EFCAB6: variants seen among roughly 807,000 people sequenced by gnomAD.
EFCAB6 encodes the protein EF-hand calcium binding domain 6, also known as EF-hand calcium-binding domain-containing protein 6.
EFCAB6 carries 156 observed loss-of-function variants against 169.8 expected under a neutral mutation model. The observed-to-expected ratio is 0.92, with a 90% CI of 0.81 to 1.05. The LOEUF is 1.05. Ranked by LOEUF, EFCAB6 falls within the 50% of genes least tolerant of loss-of-function variation. The pLI, the probability that EFCAB6 is intolerant of heterozygous loss-of-function variation, is 0.00. For missense variants in EFCAB6, 1,800 were observed against 1,829.1 expected (o/e 0.98, Z 0.29); for synonymous variants, 698 against 676.4 (o/e 1.03, Z -0.50).
At chr22:43,652,324 A>G (rs1339160141) in intron 17 of EFCAB6, among the ~76,000 whole-genome samples, 1 of 152,214 alleles carries the variant, frequency 6.6e-6, no homozygotes, top group Non-Finnish European at 1.5e-5. Flanking sequence ...GCCTGCCACC[A>G]TCTACATAAG....
chr22:43,708,089 T>TAAAAAA (rs137824), intron 10 of EFCAB6, among the ~76,000 whole-genome samples: 6 of 115,518 alleles, frequency 5.2e-5, no homozygotes, highest in Admixed American at 8.4e-5. Context: ...TAAAGAAAAC[T>TAAAAAA]AAAAAAAAAA....
chr22:43,563,574 A>ACAAAAC (rs1569163753), intron 26 of EFCAB6, among the ~76,000 whole-genome samples: 1 of 152,208 alleles, frequency 6.6e-6, no homozygotes, highest in Non-Finnish European at 1.5e-5. Context: ...CAAAACAAAA[A>ACAAAAC]CAAAACCAAA....
At chr22:43,784,677 A>ATGTG (rs2062009980) in intron 2 of EFCAB6, among the ~76,000 whole-genome samples, 1 of 30,680 alleles carries the variant, frequency 3.3e-5, no homozygotes, top group Non-Finnish European at 6.9e-5. Flanking sequence ...ATACATATAT[A>ATGTG]CACACACACA....
chr22:43,782,354 T>C (rs1243268790), intron 2 of EFCAB6, 29 bp from the exon 3 acceptor site: 1 of 1,603,032 alleles, frequency 6.2e-7, no homozygotes, highest in Non-Finnish European at 8.5e-7. Flanking sequence ...CAGATTACGT[T>C]ACCTTAAAGA....
chr22:43,625,290 T>C (rs2054422224), intron 20 of EFCAB6, among the ~76,000 whole-genome samples: 1 of 152,042 alleles, frequency 6.6e-6, no homozygotes, highest in African/African-American at 2.4e-5. Flanking sequence ...GGACCGTGAG[T>C]GCCTCAAGGA....
At chr22:43,602,130 C>T (rs866114843) in intron 22 of EFCAB6, among the ~76,000 whole-genome samples, 1 of 152,238 alleles carries the variant, frequency 6.6e-6, no homozygotes, top group African/African-American at 2.4e-5. Flanking sequence ...GGAGCCGTCC[C>T]GGGCAGTCCT....
chr22:43,689,349 G>GCGCACACACACACACACA (rs1556091576), intron 10 of EFCAB6, among the ~76,000 whole-genome samples: 1 of 146,962 alleles, frequency 6.8e-6, no homozygotes, highest in South Asian at 2.2e-4. Flanking sequence ...GAGAGCACGT[G>GCGCACACACACACACACA]CACACACACA....
chr22:43,564,037 T>C (rs981385707), intron 26 of EFCAB6, among the ~76,000 whole-genome samples: 1 of 152,186 alleles, frequency 6.6e-6, no homozygotes, highest in Non-Finnish European at 1.5e-5. Context: ...ACTTCACCTC[T>C]CTGGGCTTCC....
chr22:43,626,628 T>C lies in EFCAB6; in HGVS notation c.2284A>G (p.Asn762Asp). The change falls in exon 20 of 32, where the codon AAC (asparagine) becomes GAC (aspartate). Residue 762 changes from asparagine (N) to aspartate (D), a missense_variant. Physicochemically the swap from Asn to Asp is conservative, Grantham distance 23. Transcript: ENST00000262726. The stretch of plus-strand genomic sequence containing the variant: ...AGCAGTCTGTGAAGGTCATGCATGT[T>C]GATTATGCCATCCCTGTCAGCATCT... ...KTDADRDGII[N>D]MHDLHRLLLH... The C allele has an allele frequency of 1.9e-6, 3 of 1,614,198 alleles. No homozygotes were observed. Among genetic ancestry groups the C allele is most frequent in the Non-Finnish European group, 2.5e-6 (3 of 1,180,038 alleles).
rs1365514241 is a variant in EFCAB6, at chr22:43,748,677, T to C, written c.507+7089A>G. On this transcript the variant is annotated intron_variant, in intron 6 of 31. Coordinates refer to ENST00000262726, the MANE Select transcript of EFCAB6 (RefSeq NM_022785.4). ...GTTCAAGGCACTGAAGTTACCACAG[T>C]GGACAGGACAGAAAAGGTGCCTGCT... Among the ~76,000 whole-genome samples the C allele has an allele frequency of 1.3e-5, 2 of 152,170 alleles. 1 individual carries two copies. The highest frequency in any genetic ancestry group is 4.8e-5 in the African/African-American group (2 of 41,448).
chr22:43,564,377 G>A (rs546388338), intron 26 of EFCAB6, among the ~76,000 whole-genome samples: 45 of 152,124 alleles, frequency 3.0e-4, no homozygotes, highest in African/African-American at 1.1e-3. Context: ...CAACCTGGGA[G>A]GTGGAGGTTG....
At chr22:43,600,732 G>A (rs536906092) in intron 22 of EFCAB6, among the ~76,000 whole-genome samples, 2 of 152,004 alleles carry the variant, frequency 1.3e-5, no homozygotes, top group African/African-American at 2.4e-5. Flanking sequence ...GGTGCGAGCT[G>A]GGCTCACTAC....
intron 2 of EFCAB6, among the ~76,000 whole-genome samples, chr22:43,787,457 A>G (rs1289119840): frequency 6.6e-6 from 1 of 152,138 alleles, no homozygotes. Context: ...TTATATCTCT[A>G]TATACCTACA....
intron 6 of EFCAB6, among the ~76,000 whole-genome samples, chr22:43,746,404 G>A (rs2060565229): frequency 6.6e-6 from 1 of 152,180 alleles, no homozygotes; most frequent in South Asian, 2.1e-4. Context: ...CAAAACTCTG[G>A]TTCGGGGTCT....
intron 28 of EFCAB6, 72 bp downstream of exon 28, chr22:43,540,055 A>G: frequency 6.4e-7 from 1 of 1,562,466 alleles, no homozygotes; most frequent in South Asian, 1.2e-5. Context: ...TAGGGCCCCC[A>G]AAGTCCCCCC....
intron 26 of EFCAB6, among the ~76,000 whole-genome samples, chr22:43,561,938 G>A (rs1304212469): frequency 6.6e-6 from 1 of 152,222 alleles, no homozygotes; most frequent in African/African-American, 2.4e-5. Context: ...AGGAAGAGCA[G>A]GGCTGCAGGA....
intron 9 of EFCAB6, among the ~76,000 whole-genome samples, chr22:43,715,952 G>T (rs1407733322): frequency 1.3e-5 from 2 of 152,012 alleles, no homozygotes; most frequent in Admixed American, 1.3e-4. Flanking sequence ...TGAATGTTGG[G>T]AATTATTCAT....
intron 17 of EFCAB6, among the ~76,000 whole-genome samples, chr22:43,665,206 A>G (rs2057191135): frequency 6.6e-6 from 1 of 152,180 alleles, no homozygotes; most frequent in Admixed American, 6.5e-5. Context: ...TGAGACTGAC[A>G]TTCAGGAGTT....
rs774817515 is a variant in EFCAB6, at chr22:43,674,480, C to A, written c.1420-2175G>T. ...AGATGGTAACCTGGGTCACGAGGAA[C>A]TGGAAGGAATCCCAGGTAGCAGATG... is the stretch of plus-strand genomic sequence containing the variant. On this transcript the variant is annotated intron_variant, in intron 13 of 31. Coordinates refer to ENST00000262726, the MANE Select transcript of EFCAB6 (RefSeq NM_022785.4). 1.6e-4 allele frequency among the ~76,000 whole-genome samples: 24 copies of A among 152,136 alleles called. 1 individual carries two copies. The highest frequency in any genetic ancestry group is 7.9e-4 in the Admixed American group (12 of 15,264).
Sources: gnomAD v4.1 joint callset for allele counts (sites outside exome capture counted in the v4.1 genomes callset) on GRCh38, gnomAD v4.1.1 for gene constraint, MANE v1.5 for transcripts, NCBI Gene and HGNC (gene_info 2026-07-23, HGNC 2026-07-21) for gene names.